The following CRY1 variants were observed in gnomAD, a reference collection of about 807,000 sequenced individuals.
CRY1 encodes cryptochrome-1.
Under a neutral mutation model 76.0 loss-of-function variants are expected in CRY1, and 45 were observed. The ratio of observed to expected loss-of-function variants is 0.59; its 90% CI spans 0.47 to 0.76. The LOEUF is 0.76. CRY1 is among the 30% of genes least tolerant of loss of function. The pLI, the probability that CRY1 is intolerant of heterozygous loss-of-function variation, is 0.00. For synonymous variants in CRY1, 248 were observed against 244.0 expected (o/e 1.02, Z -0.15); for missense variants, 587 against 716.4 (o/e 0.82, Z 2.06).
intron 1 of CRY1, 63 bp downstream of exon 1, chr12:107,092,741 G>A (rs1349105688): frequency 1.3e-6 from 2 of 1,592,730 alleles, no homozygotes; most frequent in Non-Finnish European, 1.7e-6. Context: ...CGGATCGCAT[G>A]GAATTCATTA....
chr12:107,077,231 G>A (rs1593541674), intron 1 of CRY1, among the ~76,000 whole-genome samples: 2 of 152,068 alleles, frequency 1.3e-5, no homozygotes, highest in Admixed American at 1.3e-4. Context: ...CTTTAAAGTT[G>A]TCTTTCCTTT....
At chr12:107,062,215 T>C (rs17038982) in intron 1 of CRY1, among the ~76,000 whole-genome samples, 17,827 of 152,020 alleles carry the variant, frequency 0.12, 1,706 homozygotes, top group African/African-American at 0.25. Context: ...TTCAAAAACT[T>C]ACATGAGCAC....
At chr12:107,001,433 T>A in intron 4 of CRY1, 65 bp from the exon 5 acceptor site, 1 of 1,344,376 alleles carries the variant, frequency 7.4e-7, no homozygotes, top group Non-Finnish European at 1.0e-6. Flanking sequence ...CCCCAATAAC[T>A]GGGAGAACAA....
rs188959109 is a variant in CRY1 at position 107,027,410 on chromosome 12, C to T, written c.159-5218G>A. Among the ~76,000 whole-genome samples the T allele has an allele frequency of 3.0e-3, 451 of 152,204 alleles. 2 individuals are homozygous for T. Among genetic ancestry groups the T allele is most frequent in the African/African-American group, 0.01 (428 of 41,544 alleles). On this transcript the variant is annotated intron_variant, in intron 1 of 12. Transcript: ENST00000008527. ...TTGAACTACACCCATTTGATGGCTCCGTTATTACTGCTATTAACTACATAC... is the reference window on the plus strand; with the variant it reads ...TTGAACTACACCCATTTGATGGCTCTGTTATTACTGCTATTAACTACATAC...
chr12:107,058,002 G>C (rs1953004547), intron 1 of CRY1, among the ~76,000 whole-genome samples: 1 of 150,292 alleles, frequency 6.7e-6, no homozygotes, highest in Non-Finnish European at 1.5e-5. Flanking sequence ...GCTGTAGTAA[G>C]CCATGATCAC....
intron 1 of CRY1, among the ~76,000 whole-genome samples, chr12:107,085,602 T>G (rs35536156): frequency 6.6e-6 from 1 of 150,464 alleles, no homozygotes; most frequent in Admixed American, 6.6e-5. Flanking sequence ...TAAGTAGGAG[T>G]TGAACAATGA....
chr12:107,062,616 G>A (rs1016511576), intron 1 of CRY1, among the ~76,000 whole-genome samples: 2 of 152,110 alleles, frequency 1.3e-5, no homozygotes, highest in African/African-American at 4.8e-5. Flanking sequence ...TTATCTTGCA[G>A]ATCTCCCTCA....
chr12:107,061,757 A>G (rs1254709941), intron 1 of CRY1, among the ~76,000 whole-genome samples: 1 of 152,014 alleles, frequency 6.6e-6, no homozygotes, highest in Non-Finnish European at 1.5e-5. Flanking sequence ...AAAAATACAC[A>G]TTTTTCTTAC....
intron 1 of CRY1, among the ~76,000 whole-genome samples, chr12:107,024,804 T>C (rs1001153014): frequency 6.6e-6 from 1 of 152,198 alleles, no homozygotes; most frequent in Non-Finnish European, 1.5e-5. Flanking sequence ...AACAAAAGAC[T>C]AAAAGCTGTA....
rs1440367214 is a variant in CRY1, at chr12:107,011,134, C to G, written c.268-5886G>C. ...GGCCAAGGCGGGCGGATCACGAGGTCAGGAGTTCCAGACCAGCCTGGCAAC... is the reference window on the plus strand; with the variant it reads ...GGCCAAGGCGGGCGGATCACGAGGTGAGGAGTTCCAGACCAGCCTGGCAAC... On this transcript the variant is annotated intron_variant, in intron 2 of 12. Coordinates refer to ENST00000008527, the MANE Select transcript of CRY1 (RefSeq NM_004075.5). 2.0e-5 allele frequency among the ~76,000 whole-genome samples: 3 copies of G among 152,134 alleles called. No individual in the cohort carries two copies. In the East Asian group the frequency reaches 5.8e-4, roughly 29 times the overall value.
chr12:107,078,776 G>A (rs1222924141), intron 1 of CRY1, among the ~76,000 whole-genome samples: 1 of 152,016 alleles, frequency 6.6e-6, no homozygotes, highest in Non-Finnish European at 1.5e-5. Context: ...CTAACTTAAT[G>A]TCTAATTGTC....
At chr12:107,077,176 C>T (rs1042830519) in intron 1 of CRY1, among the ~76,000 whole-genome samples, 13 of 152,190 alleles carry the variant, frequency 8.5e-5, no homozygotes, top group African/African-American at 3.1e-4. Context: ...CACACACACA[C>T]ACCTCTAGAA....
chr12:107,071,687 C>T (rs996919905), intron 1 of CRY1, among the ~76,000 whole-genome samples: 8 of 150,298 alleles, frequency 5.3e-5, no homozygotes, highest in African/African-American at 1.2e-4. Context: ...TCTAGCAAGT[C>T]GAAGAAAGAA....
chr12:107,066,524 C>T (rs878978777), intron 1 of CRY1, among the ~76,000 whole-genome samples: 4 of 151,014 alleles, frequency 2.6e-5, no homozygotes, highest in Admixed American at 1.3e-4. Flanking sequence ...GGCACGATCT[C>T]GGCTCACTGC....
At chr12:107,062,025 C>CAAAAAAAAAAAAAAAAAAAAAA (rs35683352) in intron 1 of CRY1, among the ~76,000 whole-genome samples, 1 of 93,562 alleles carries the variant, frequency 1.1e-5, no homozygotes. Flanking sequence ...GACCCTGTCT[C>CAAAAAAAAAAAAAAAAAAAAAA]AAAAAAAAAA....
At chr12:106,996,581 C>A (rs751373179) in intron 10 of CRY1, among the ~76,000 whole-genome samples, 4 of 152,234 alleles carry the variant, frequency 2.6e-5, no homozygotes, top group Non-Finnish European at 5.9e-5. Context: ...AATTTACAAT[C>A]CCATCAACAA....
At position 106,997,986 on chromosome 12, in the gene CRY1, A is replaced by G; in HGVS notation, c.1218T>C (p.Phe406=). ...GGCAATAGCAGTGAAAAAACTGTTG[A>G]AAAAAGGAACTACAAGACAGCCACA... The part of the protein sequence containing the change: ...SWMWLSCSSF[F]QQFFHCYCPV... The change falls in exon 8 of 13, where the codon TTT becomes TTC. Residue 406 remains phenylalanine (F), a synonymous_variant. Coordinates refer to ENST00000008527, the MANE Select transcript of CRY1 (RefSeq NM_004075.5). 6.2e-7 allele frequency: 1 copy of G among 1,614,132 alleles called. No homozygotes were observed. Among genetic ancestry groups the G allele is most frequent in the Non-Finnish European group, 8.5e-7 (1 of 1,180,000 alleles).
chr12:107,021,728 A>G (rs1362866120), intron 2 of CRY1, among the ~76,000 whole-genome samples: 5 of 152,092 alleles, frequency 3.3e-5, no homozygotes, highest in Non-Finnish European at 5.9e-5. Context: ...ACACACACAA[A>G]AATATATATA....
intron 1 of CRY1, among the ~76,000 whole-genome samples, chr12:107,035,209 C>T (rs995424428): frequency 3.3e-5 from 5 of 152,168 alleles, no homozygotes; most frequent in African/African-American, 9.7e-5. Flanking sequence ...TGATCTATGA[C>T]TTAGCACATG....
Sources: allele counts gnomAD v4.1 joint callset (sites outside exome capture counted in the v4.1 genomes callset), GRCh38; gene constraint gnomAD v4.1.1; transcripts MANE v1.5; gene names NCBI Gene and HGNC (gene_info 2026-07-23, HGNC 2026-07-21).